THSD4: variants seen among roughly 807,000 people sequenced by gnomAD.
THSD4 encodes thrombospondin type-1 domain-containing protein 4.
In THSD4, 69 loss-of-function variants were observed where a neutral mutation model predicts 119.0. The ratio of observed to expected loss-of-function variants is 0.58; its 90% confidence interval spans 0.48 to 0.71. The LOEUF (loss-of-function observed/expected upper bound fraction) is 0.71, where lower values mean the gene tolerates loss of function less well. THSD4 is among the 30% of genes least tolerant of loss of function. THSD4 has a pLI of 0.00. For synonymous variants in THSD4, 524 were observed against 540.4 expected (o/e 0.97, Z 0.42); for missense variants, 1,393 against 1,391.1 (o/e 1.00, Z -0.02).
chr15:71,649,529 A>T (rs1235124906), intron 7 of THSD4, among the ~76,000 whole-genome samples: 1 of 152,138 alleles, frequency 6.6e-6, no homozygotes, highest in Admixed American at 6.5e-5. Flanking sequence ...TGCCTACCTC[A>T]GCCTCCCAAA....
chr15:71,270,118 A>T (rs2044511200), intron 6 of THSD4, among the ~76,000 whole-genome samples: 1 of 152,184 alleles, frequency 6.6e-6, no homozygotes, highest in African/African-American at 2.4e-5. Context: ...TTCATATGGA[A>T]CCCAAAAAGA....
At chr15:71,669,491 A>G (rs573753276) in intron 8 of THSD4, among the ~76,000 whole-genome samples, 3 of 152,200 alleles carry the variant, frequency 2.0e-5, no homozygotes, top group African/African-American at 4.8e-5. Context: ...GGTATACACA[A>G]TTCTGTCCTT....
chr15:71,568,367 A>T (rs916424325), intron 7 of THSD4, among the ~76,000 whole-genome samples: 3 of 152,218 alleles, frequency 2.0e-5, no homozygotes, highest in Middle Eastern at 3.4e-3. Flanking sequence ...CACATGGGTG[A>T]CATGATGAGA....
intron 1 of THSD4, among the ~76,000 whole-genome samples, chr15:71,097,795 C>G (rs2040237674): frequency 6.6e-6 from 1 of 150,974 alleles, no homozygotes; most frequent in Admixed American, 6.6e-5. Flanking sequence ...GTTCATTGCT[C>G]TATAGATTAC....
chr15:71,506,860 G>C (rs1182261444), intron 7 of THSD4, among the ~76,000 whole-genome samples: 2 of 152,206 alleles, frequency 1.3e-5, no homozygotes, highest in African/African-American at 4.8e-5. Context: ...TTACAACGTT[G>C]CTTAGTTCAC....
chr15:71,140,147 A>G (rs1225906770), intron 1 of THSD4, among the ~76,000 whole-genome samples: 1 of 152,224 alleles, frequency 6.6e-6, no homozygotes, highest in African/African-American at 2.4e-5. Context: ...GCATCACCAT[A>G]TTAGTTCATT....
At chr15:71,385,875 G>A (rs1037990014) in intron 6 of THSD4, among the ~76,000 whole-genome samples, 35 of 152,198 alleles carry the variant, frequency 2.3e-4, no homozygotes, top group African/African-American at 8.2e-4. Flanking sequence ...GGTCCGGAAA[G>A]CTGCTGATGT....
intron 7 of THSD4, among the ~76,000 whole-genome samples, chr15:71,603,229 A>G (rs1300599875): frequency 6.6e-6 from 1 of 152,226 alleles, no homozygotes; most frequent in Non-Finnish European, 1.5e-5. Context: ...ACACAGACAC[A>G]TTGAAGGGTG....
chr15:71,505,698 T>C (rs942185593), intron 7 of THSD4, among the ~76,000 whole-genome samples: 6 of 152,164 alleles, frequency 3.9e-5, no homozygotes, highest in Non-Finnish European at 7.3e-5. Context: ...TTCAAATAGG[T>C]AAGGCAAATG....
At chr15:71,699,698 T>A (rs898911261) in intron 8 of THSD4, among the ~76,000 whole-genome samples, 2 of 152,194 alleles carry the variant, frequency 1.3e-5, no homozygotes, top group Non-Finnish European at 2.9e-5. Flanking sequence ...CTGTTCTTGA[T>A]GGAATGGGTT....
intron 2 of THSD4, among the ~76,000 whole-genome samples, chr15:71,143,041 A>C (rs1339711191): frequency 6.6e-6 from 1 of 152,176 alleles, no homozygotes; most frequent in Non-Finnish European, 1.5e-5. Flanking sequence ...TGCTTGTATA[A>C]TTTTACATGG....
chr15:71,391,614 A>T (rs1020901575), intron 6 of THSD4, among the ~76,000 whole-genome samples: 1 of 152,238 alleles, frequency 6.6e-6, no homozygotes, highest in Non-Finnish European at 1.5e-5. Flanking sequence ...TGTCAGAGGA[A>T]GGGCGGGCGA....
At chr15:71,153,151 C>G (rs1362479280) in intron 2 of THSD4, among the ~76,000 whole-genome samples, 1 of 152,168 alleles carries the variant, frequency 6.6e-6, no homozygotes, top group Non-Finnish European at 1.5e-5. Context: ...ACCAGGGCAT[C>G]CGGATCAAGC....
rs143058493 is a variant in THSD4 at position 71,771,015 on chromosome 15, G to A, written c.2770-49G>A. On this transcript the variant is annotated intron_variant, in intron 16 of 17. Transcript: ENST00000261862. ...GTGTCTTCTTTCTCCAGTGTGCTGA[G>A]CTATTGGTCTGCCCAAAAATCTGAT... The A allele has an allele frequency of 5.6e-5, 90 of 1,599,134 alleles. No individual in the cohort carries two copies. The African/African-American group carries it at 1.2e-3, about 21-fold the overall frequency.
intron 7 of THSD4, among the ~76,000 whole-genome samples, chr15:71,466,344 C>CAA (rs66981958): frequency 4.3e-4 from 51 of 117,428 alleles, no homozygotes; most frequent in African/African-American, 1.6e-3. Context: ...GACTCCATCT[C>CAA]AAAAAAAAAA....
chr15:71,488,560 C>T (rs1188483108), intron 7 of THSD4, among the ~76,000 whole-genome samples: 1 of 149,682 alleles, frequency 6.7e-6, no homozygotes, highest in Non-Finnish European at 1.5e-5. Flanking sequence ...TCTTTAGCAA[C>T]TTTCTTCTTT....
chr15:71,530,817 T>G (rs1332617295), intron 7 of THSD4, among the ~76,000 whole-genome samples: 2 of 151,476 alleles, frequency 1.3e-5, no homozygotes, highest in Non-Finnish European at 1.5e-5. Context: ...AAAAAAAATC[T>G]TTGCCTCTGC....
intron 7 of THSD4, among the ~76,000 whole-genome samples, chr15:71,609,928 A>T (rs2140908941): frequency 6.6e-6 from 1 of 152,232 alleles, no homozygotes; most frequent in Middle Eastern, 3.4e-3. Flanking sequence ...CCTATATCCC[A>T]GGCACTGAAA....
chr15:71,574,369 A>G (rs3923492), intron 7 of THSD4, among the ~76,000 whole-genome samples: 24,463 of 152,002 alleles, frequency 0.16, 2,033 homozygotes, highest in African/African-American at 0.18. Context: ...ACACTAAACT[A>G]TTTTTCATAT....
Sources: allele counts gnomAD v4.1 joint callset (sites outside exome capture counted in the v4.1 genomes callset), GRCh38; gene constraint gnomAD v4.1.1; transcripts MANE v1.5; gene names NCBI Gene and HGNC (gene_info 2026-07-23, HGNC 2026-07-21).